CD1C: variants seen among roughly 807,000 people sequenced by gnomAD.
CD1C encodes T-cell surface glycoprotein CD1c.
CD1C carries 47 observed loss-of-function variants against 39.4 expected under a neutral mutation model. The observed-to-expected ratio is 1.19, with a 90% CI of 0.94 to 1.52. The LOEUF is 1.52. Among genes scored for constraint, CD1C ranks in the 40% most tolerant of loss-of-function variants. The pLI is 0.00. For synonymous variants in CD1C, 165 were observed against 150.8 expected, an observed-to-expected ratio of 1.09 and a Z score of -0.69; for missense variants, 417 against 395.2, an observed-to-expected ratio of 1.06 and a Z score of -0.47.
chr1:158,292,788 T>C lies in CD1C; in HGVS notation c.803T>C (p.Leu268Pro), dbSNP rs773196926. Residue 268 changes from leucine to proline, a missense_variant, in exon 4 of 6, where the codon CTG (leucine) becomes CCG (proline). Transcript: ENST00000368170. The part of the protein sequence containing the change: ...ADGTWYLQVI[L>P]EVASEEPAGL... ...GGGACATGGTATCTTCAGGTGATCC[T>C]GGAGGTGGCATCTGAGGAGCCTGCT... 6.2e-7 allele frequency: 1 copy of C among 1,614,208 alleles called. No individual in the cohort carries two copies.
At chr1:158,291,731 C>T (rs1651047593) in intron 2 of CD1C, among the ~76,000 whole-genome samples, 1 of 152,124 alleles carries the variant, frequency 6.6e-6, no homozygotes. Context: ...AGATCTATGT[C>T]CACAGTTCAA....
At chr1:158,291,451 G>A (rs1185037085) in intron 2 of CD1C, 51 bp downstream of exon 2, 2 of 1,577,244 alleles carry the variant, frequency 1.3e-6, no homozygotes, top group Non-Finnish European at 1.7e-6. Context: ...TTCTATTTCA[G>A]GGAAATATTC....
chr1:158,293,254 T>A lies in CD1C; in HGVS notation c.932T>A (p.Val311Glu), dbSNP rs763785328. Residue 311 changes from valine to glutamate, a missense_variant, in exon 5 of 6, where the codon GTG (valine) becomes GAG (glutamate). By Grantham distance (121) the Val-to-Glu change is moderately radical. Transcript: ENST00000368170. ...SMNWIALVVI[V>E]PLVILIVLVL... The stretch of plus-strand genomic sequence containing the variant: ...AATTGGATTGCCTTGGTAGTGATAG[T>A]GCCCTTGGTGATTCTAATAGTCCTT... The A allele has an allele frequency of 1.7e-5, 28 of 1,614,016 alleles. No homozygotes were observed. The South Asian group carries it at 3.1e-4, about 18-fold the overall frequency.
At position 158,291,141 on chromosome 1, in the gene CD1C, G is replaced by A. The variant is rs115929342; in HGVS notation, c.69G>A (p.Gln23=). ...CCCTTCTTCCACCAAAAGCATCCCAGGAACACGTCTCCTTCCATGTCATCC... is the reference window on the plus strand; with the variant it reads ...CCCTTCTTCCACCAAAAGCATCCCAAGAACACGTCTCCTTCCATGTCATCC... ...LPGGDNADAS[Q]EHVSFHVIQI... The change falls in exon 2 of 6, where the codon CAG becomes CAA. Residue 23 remains glutamine, a synonymous_variant. Transcript: ENST00000368170. The A allele has an allele frequency of 1.4e-3, 2,289 of 1,611,650 alleles. 36 individuals are homozygous for A. The African/African-American group carries it at 0.028, about 19-fold the overall frequency.
chr1:158,292,554 G>A (rs1415095958), intron 3 of CD1C, 42 bp from the exon 4 acceptor site: 2 of 1,596,390 alleles, frequency 1.3e-6, no homozygotes, highest in Non-Finnish European at 1.7e-6. Flanking sequence ...TGTAAGTTGT[G>A]TGTAAGTTTC....
At chr1:158,292,558 A>G (rs756122506) in intron 3 of CD1C, 38 bp from the exon 4 acceptor site, 5 of 1,598,582 alleles carry the variant, frequency 3.1e-6, no homozygotes, top group Non-Finnish European at 3.4e-6. Context: ...AGTTGTGTGT[A>G]AGTTTCTTCA....
intron 2 of CD1C, 145 bp from the exon 3 acceptor site, chr1:158,291,936 CTCT>C: frequency 1.3e-6 from 1 of 760,986 alleles, no homozygotes; most frequent in South Asian, 1.9e-5. Context: ...CAATTTTTCT[CTCT>C]TGTTTCTGAT....
At chr1:158,291,087 T>C (rs764337668) in intron 1 of CD1C, 47 bp from the exon 2 acceptor site, 1 of 1,544,228 alleles carries the variant, frequency 6.5e-7, no homozygotes, top group Non-Finnish European at 8.8e-7. Context: ...TCCTTGCCTC[T>C]CTTTTTTTTT....
At chr1:158,292,407 A>G (rs760726167) in intron 3 of CD1C, 42 bp downstream of exon 3, 3 of 1,578,972 alleles carry the variant, frequency 1.9e-6, no homozygotes, top group South Asian at 1.2e-5. Context: ...TTTCTATTCA[A>G]GTACTGCCCC....
At chr1:158,290,285 C>T (rs1321363327) in intron 1 of CD1C, among the ~76,000 whole-genome samples, 160 bp downstream of exon 1, 2 of 152,034 alleles carry the variant, frequency 1.3e-5, no homozygotes, top group Non-Finnish European at 2.9e-5. Context: ...AGAGCATGGG[C>T]TCTGTGTAAG....
At chr1:158,291,052 T>G in intron 1 of CD1C, 82 bp from the exon 2 acceptor site, 1 of 1,412,386 alleles carries the variant, frequency 7.1e-7, no homozygotes, top group Non-Finnish European at 9.6e-7. Flanking sequence ...TGGTAACTGG[T>G]TCACCTTCCA....
chr1:158,291,814 C>A (rs1220521193), intron 2 of CD1C, among the ~76,000 whole-genome samples: 3 of 152,108 alleles, frequency 2.0e-5, no homozygotes, highest in Non-Finnish European at 4.4e-5. Flanking sequence ...TCCCCCTTCA[C>A]CCTCTATCCT....
In CD1C at chr1:158,293,589, A is replaced by G. The variant is rs3138106; in HGVS notation, c.*113A>G. 8.1e-3 allele frequency: 13,025 copies of G among 1,612,030 alleles called. 652 individuals are homozygous for G. In the African/African-American group the frequency reaches 0.12, roughly 15 times the overall value. ...CCATTTAAATTGTTTCTCTTTCTGC[A>G]TAATAAACATTTGTTAATAAAAACC... On this transcript the variant is annotated 3_prime_UTR_variant, in exon 6 of 6. Transcript: ENST00000368170.
At position 158,291,204 on chromosome 1, in the gene CD1C, T is replaced by G; in HGVS notation, c.132T>G (p.Gly44=). 3 of 1,613,614 alleles carry G rather than the reference T, an allele frequency of 1.9e-6. No homozygotes were observed. The highest frequency in any genetic ancestry group is 2.5e-6 in the Non-Finnish European group (3 of 1,179,888). ...TTGTCAACCAATCCTGGGCACGAGG[T>G]CAGGGCTCAGGATGGCTGGACGAGT... ...FSFVNQSWAR[G]QGSGWLDELQ... The change falls in exon 2 of 6, where the codon GGT becomes GGG. Residue 44 remains glycine, a synonymous_variant. Transcript: ENST00000368170.
At chr1:158,292,518 T>C in intron 3 of CD1C, 78 bp from the exon 4 acceptor site, 1 of 1,519,848 alleles carries the variant, frequency 6.6e-7, no homozygotes, top group South Asian at 1.2e-5. Flanking sequence ...TAACTGTGCA[T>C]ATTCATGTGG....
At position 158,294,380 on chromosome 1, in the gene CD1C, C is replaced by T. The variant is rs1011545084; in HGVS notation, c.*904C>T. ...GGTACTGAGTTGAGACAGGCACATA[C>T]AGCTTCTAAACTGGTGGTGGATAAA... On this transcript the variant is annotated 3_prime_UTR_variant, in exon 6 of 6. Transcript: ENST00000368170. Among the ~76,000 whole-genome samples, 1 of 152,216 alleles carries T rather than the reference C, an allele frequency of 6.6e-6. No homozygotes were observed. The highest frequency in any genetic ancestry group is 1.5e-5 in the Non-Finnish European group (1 of 68,046).
In CD1C at chr1:158,292,281, A is replaced by G. The variant is rs768705274; in HGVS notation, c.526A>G (p.Thr176Ala). The change falls in exon 3 of 6, where the codon ACA becomes GCA. Residue 176 changes from threonine (T) to alanine (A), a missense_variant. Physicochemically the swap from Thr to Ala is moderately conservative, Grantham distance 58 (BLOSUM62 0). Transcript: ENST00000368170. The stretch of plus-strand genomic sequence containing the variant: ...TCATCAGTATGAAGGCGTCACAGAA[A>G]CAGTGTATAATCTCATAAGAAGCAC... Reference protein sequence around the residue: ...LNHQYEGVTETVYNLIRSTCP... With the variant: ...LNHQYEGVTEAVYNLIRSTCP... 1.2e-6 allele frequency: 2 copies of G among 1,614,200 alleles called. No homozygotes were observed. Among genetic ancestry groups the G allele is most frequent in the South Asian group, 2.2e-5 (2 of 91,082 alleles).
chr1:158,291,544 A>T (rs1651042634), intron 2 of CD1C, 144 bp downstream of exon 2: 1 of 830,890 alleles, frequency 1.2e-6, no homozygotes. Context: ...GATATTCCTG[A>T]TGTTGACTCC....
At position 158,291,405 on chromosome 1, in the gene CD1C, G is replaced by A. The variant is rs1228039193; in HGVS notation, c.328+5G>A. 3 of 1,612,508 alleles carry A rather than the reference G, an allele frequency of 1.9e-6. No homozygotes were observed. In the Admixed American group the frequency reaches 5.0e-5, roughly 27 times the overall value. ...CAAGTCAAGATTACTCGAAATGTAA[G>A]TTCAATCATCTAAATTATGGGAGTT... is the stretch of plus-strand genomic sequence containing the variant. On this transcript the variant is annotated splice_donor_5th_base_variant and intron_variant, in intron 2 of 5. Coordinates refer to ENST00000368170, the MANE Select transcript of CD1C (RefSeq NM_001765.3).
Sources: gnomAD v4.1 joint callset for allele counts (sites outside exome capture counted in the v4.1 genomes callset) on GRCh38, gnomAD v4.1.1 for gene constraint, MANE v1.5 for transcripts, NCBI Gene and HGNC (gene_info 2026-07-23, HGNC 2026-07-21) for gene names.